RBMS3: variants seen among roughly 807,000 people sequenced by gnomAD.
The protein encoded by RBMS3 is RNA-binding motif, single-stranded-interacting protein 3.
A neutral mutation model predicts 66.8 loss-of-function variants in RBMS3; 27 were observed. That is an observed-to-expected ratio of 0.40 (90% CI 0.30 to 0.56). RBMS3 has a LOEUF of 0.56. Ranked by LOEUF, RBMS3 falls within the 20% of genes least tolerant of loss-of-function variation. The pLI is 0.40. For synonymous variants in RBMS3, 188 were observed against 183.0 expected (o/e 1.03, Z -0.22); for missense variants, 513 against 549.5 (o/e 0.93, Z 0.66).
At chr3:29,571,705 T>A (rs1182494653) in intron 3 of RBMS3, among the ~76,000 whole-genome samples, 3 of 152,296 alleles carry the variant, frequency 2.0e-5, no homozygotes, top group Admixed American at 6.5e-5. Flanking sequence ...AGTCAGGTAA[T>A]GTGATTTCTT....
At chr3:29,420,565 T>TTATTG (rs2040671178) in intron 1 of RBMS3, among the ~76,000 whole-genome samples, 1 of 150,878 alleles carries the variant, frequency 6.6e-6, no homozygotes, top group East Asian at 2.0e-4. Flanking sequence ...GGTTTGTTTT[T>TTATTG]TTTTGTTTTG....
chr3:29,487,827 G>T (rs577856526), intron 2 of RBMS3, among the ~76,000 whole-genome samples: 1 of 152,056 alleles, frequency 6.6e-6, no homozygotes, highest in East Asian at 1.9e-4. Context: ...GATGCAAAAA[G>T]CACATATTAC....
At chr3:29,839,343 A>G (rs2058607771) in intron 6 of RBMS3, among the ~76,000 whole-genome samples, 1 of 152,168 alleles carries the variant, frequency 6.6e-6, no homozygotes, top group Non-Finnish European at 1.5e-5. Flanking sequence ...TCTCATAGTC[A>G]GGAAAGCTTC....
At chr3:29,348,041 G>A (rs1229835359) in intron 1 of RBMS3, among the ~76,000 whole-genome samples, 1 of 151,868 alleles carries the variant, frequency 6.6e-6, no homozygotes, top group Non-Finnish European at 1.5e-5. Flanking sequence ...AATAAAGTTG[G>A]AAATTTATTT....
intron 12 of RBMS3, among the ~76,000 whole-genome samples, chr3:29,950,956 A>G (rs1435654443): frequency 6.6e-6 from 1 of 151,868 alleles, no homozygotes; most frequent in Non-Finnish European, 1.5e-5. Context: ...ACCCAGCTTA[A>G]TCTATTTTCC....
At chr3:29,953,712 G>C (rs1695839828) in intron 12 of RBMS3, among the ~76,000 whole-genome samples, 1 of 151,832 alleles carries the variant, frequency 6.6e-6, no homozygotes, top group African/African-American at 2.4e-5. Flanking sequence ...ATTCCGCAGG[G>C]AGTTTCTTTG....
rs7642675 is a variant in RBMS3 at position 29,337,325 on chromosome 3, G to A, written c.75+55569G>A. On this transcript the variant is annotated intron_variant, in intron 1 of 14. Coordinates refer to ENST00000383767, the MANE Select transcript of RBMS3 (RefSeq NM_001003793.3). ...TAGGTACTAAAATAGTACCTATATG[G>A]CCCTAGTAATCTGTAAGATTTAGGA... Among the ~76,000 whole-genome samples, 1,036 of 151,960 alleles carry A rather than the reference G, an allele frequency of 6.8e-3. 15 individuals are homozygous for A. The highest frequency in any genetic ancestry group is 0.021 in the African/African-American group (885 of 41,404).
In RBMS3 at chr3:29,504,718, C is replaced by CAAGG. The variant is rs1464237047; in HGVS notation, c.307+16221_307+16224dup. 8.0e-4 allele frequency among the ~76,000 whole-genome samples: 122 copies of CAAGG among 152,004 alleles called. 1 individual carries two copies. Among genetic ancestry groups the CAAGG allele is most frequent in the African/African-American group, 2.9e-3 (119 of 41,486 alleles). ...AATTTACATTCCCACCAAGAATGTG[C>CAAGG]AAGGATTCCCTTTTCTCCACATCCT... On this transcript the variant is annotated intron_variant, in intron 3 of 14. Coordinates refer to ENST00000383767, the MANE Select transcript of RBMS3 (RefSeq NM_001003793.3).
At chr3:29,441,680 C>T (rs2041625979) in intron 2 of RBMS3, among the ~76,000 whole-genome samples, 1 of 152,164 alleles carries the variant, frequency 6.6e-6, no homozygotes, top group South Asian at 2.1e-4. Flanking sequence ...TAGGGACCTT[C>T]AGAAAATAGG....
At chr3:29,904,813 G>T (rs1490342103) in intron 10 of RBMS3, among the ~76,000 whole-genome samples, 1 of 151,814 alleles carries the variant, frequency 6.6e-6, no homozygotes, top group Admixed American at 6.6e-5. Context: ...TGATTTTCAC[G>T]TGTTTATTGA....
At chr3:29,622,990 G>T (rs192645112) in intron 4 of RBMS3, among the ~76,000 whole-genome samples, 1 of 151,498 alleles carries the variant, frequency 6.6e-6, no homozygotes, top group South Asian at 2.1e-4. Context: ...GGTGGCGGGC[G>T]CCTGTAGTCC....
chr3:29,718,467 A>G (rs2053500820), intron 4 of RBMS3, among the ~76,000 whole-genome samples: 3 of 152,114 alleles, frequency 2.0e-5, no homozygotes, highest in East Asian at 1.9e-4. Context: ...ATCATGTTCT[A>G]TTAAGCAAGT....
intron 4 of RBMS3, among the ~76,000 whole-genome samples, chr3:29,685,676 C>T (rs145165701): frequency 2.0e-4 from 31 of 152,262 alleles, no homozygotes; most frequent in African/African-American, 7.2e-4. Flanking sequence ...CTGTGCGACT[C>T]GACCTGGAAC....
At chr3:29,755,574 G>A (rs993833053) in intron 5 of RBMS3, among the ~76,000 whole-genome samples, 3 of 152,178 alleles carry the variant, frequency 2.0e-5, no homozygotes, top group African/African-American at 7.2e-5. Flanking sequence ...GCAACAGAGG[G>A]AAACGTTTAC....
chr3:29,966,857 G>C (rs1277221048), intron 12 of RBMS3, among the ~76,000 whole-genome samples: 1 of 152,096 alleles, frequency 6.6e-6, no homozygotes, highest in Non-Finnish European at 1.5e-5. Context: ...TTACATTAAG[G>C]TATGTCCCTT....
chr3:30,002,649 A>C (rs1699663209), intron 14 of RBMS3, among the ~76,000 whole-genome samples: 1 of 152,012 alleles, frequency 6.6e-6, no homozygotes, highest in Non-Finnish European at 1.5e-5. Context: ...TTAGGGACTT[A>C]ACCTATTGAT....
chr3:29,779,283 G>GTA (rs1230888316), intron 6 of RBMS3, among the ~76,000 whole-genome samples: 9 of 150,212 alleles, frequency 6.0e-5, no homozygotes, highest in Non-Finnish European at 1.0e-4. Flanking sequence ...GTGTGTGTGT[G>GTA]TATATATATG....
intron 2 of RBMS3, among the ~76,000 whole-genome samples, chr3:29,475,033 A>C (rs2042896635): frequency 6.6e-6 from 1 of 152,214 alleles, no homozygotes; most frequent in African/African-American, 2.4e-5. Flanking sequence ...ATTAAAACAC[A>C]AGAAGCTTCT....
At chr3:29,384,453 G>GAAGAAGAAGAAGAAA (rs2038917513) in intron 1 of RBMS3, among the ~76,000 whole-genome samples, 1 of 151,012 alleles carries the variant, frequency 6.6e-6, no homozygotes, top group African/African-American at 2.4e-5. Context: ...AGAAGAAGAA[G>GAAGAAGAAGAAGAAA]AAGAAGAAGA....
Sources: gnomAD v4.1 joint callset for allele counts (sites outside exome capture counted in the v4.1 genomes callset) on GRCh38, gnomAD v4.1.1 for gene constraint, MANE v1.5 for transcripts, NCBI Gene and HGNC (gene_info 2026-07-23, HGNC 2026-07-21) for gene names.